Variants in ANXA8 observed in about 807,000 individuals in gnomAD.
ANXA8 encodes VAC-beta.
In ANXA8, 9 loss-of-function variants were observed where a neutral mutation model predicts 26.8. The observed-to-expected ratio is 0.34, with a 90% confidence interval of 0.20 to 0.59. ANXA8 has a LOEUF of 0.59. Among genes scored for constraint, ANXA8 ranks in the 20% least tolerant of loss-of-function variants. The pLI is 0.84. For synonymous variants in ANXA8, 39 were observed against 94.8 expected (o/e 0.41, Z 3.42); for missense variants, 83 against 238.5 (o/e 0.35, Z 4.29).
chr10:47,769,322 C>G, the ANXA8 span, among the ~76,000 whole-genome samples: 2 of 150,598 alleles, frequency 1.3e-5, no homozygotes, highest in African/African-American at 5.0e-5. Flanking sequence ...TGCTCATGCT[C>G]TTACCTCAGA....
chr10:47,764,396 G>T, the ANXA8 span, among the ~76,000 whole-genome samples: 2 of 150,812 alleles, frequency 1.3e-5, no homozygotes, highest in Non-Finnish European at 2.9e-5. Flanking sequence ...ATCTAAACTG[G>T]GTTGGCAGGG....
chr10:47,487,389 C>G, upstream of ANXA8: 1 of 1,011,654 alleles, frequency 9.9e-7, no homozygotes. Context: ...CCTGGGCTTT[C>G]TTTATGGCTT....
At chr10:47,907,144 A>C in the ANXA8 span, among the ~76,000 whole-genome samples, 1 of 151,950 alleles carries the variant, frequency 6.6e-6, no homozygotes, top group South Asian at 2.1e-4. Context: ...TCACGAGGTC[A>C]GGAGATCGAG....
chr10:47,699,058 G>A, the ANXA8 span, among the ~76,000 whole-genome samples: 36 of 151,644 alleles, frequency 2.4e-4, no homozygotes, highest in Non-Finnish European at 4.7e-4. Flanking sequence ...GACAAGAAGA[G>A]GCATCTGGTC....
chr10:47,763,164 TC>T, the ANXA8 span: 1 of 988,116 alleles, frequency 1.0e-6, no homozygotes, highest in Admixed American at 6.2e-5. Context: ...GGGGGAGCCT[TC>T]CCGGATCCCG....
chr10:47,658,997 A>G, the ANXA8 span, among the ~76,000 whole-genome samples: 23,721 of 127,980 alleles, frequency 0.19, 1,668 homozygotes, highest in East Asian at 0.45. Flanking sequence ...TCAGCCTCCC[A>G]AGTAGCTGGG....
the ANXA8 span, chr10:47,502,473 TG>T: frequency 6.2e-7 from 1 of 1,612,880 alleles, no homozygotes; most frequent in Non-Finnish European, 8.5e-7. Flanking sequence ...TTGAGGGTTT[TG>T]TCTGCCCCTG....
At chr10:47,484,302 T>A (rs1839973792), upstream of ANXA8, 7 of 641,562 alleles carry the variant, frequency 1.1e-5, no homozygotes, top group African/African-American at 1.8e-5. Flanking sequence ...TAGGCTGGTC[T>A]CAAACTCCCG....
At chr10:47,620,212 T>C in the ANXA8 span, among the ~76,000 whole-genome samples, 1 of 107,390 alleles carries the variant, frequency 9.3e-6, no homozygotes, top group Non-Finnish European at 2.0e-5. Context: ...TGTAAGTACT[T>C]TGATCTTGAG....
chr10:47,657,017 T>A, the ANXA8 span, among the ~76,000 whole-genome samples: 1 of 148,618 alleles, frequency 6.7e-6, no homozygotes, highest in Non-Finnish European at 1.5e-5. Flanking sequence ...CTAACTTGGT[T>A]CTCTGTTGAC....
At chr10:47,928,857 T>C in the ANXA8 span, among the ~76,000 whole-genome samples, 24 of 113,336 alleles carry the variant, frequency 2.1e-4, no homozygotes, top group East Asian at 2.2e-3. Flanking sequence ...TGGGCTCAAG[T>C]GATCATCTCA....
chr10:47,594,180 C>G, the ANXA8 span, among the ~76,000 whole-genome samples: 1 of 150,746 alleles, frequency 6.6e-6, no homozygotes, highest in Non-Finnish European at 1.5e-5. Context: ...ACCTTGTGAT[C>G]GTGTGAGTCA....
chr10:47,734,998 T>C, the ANXA8 span, among the ~76,000 whole-genome samples: 4 of 124,970 alleles, frequency 3.2e-5, no homozygotes, highest in African/African-American at 1.4e-4. Flanking sequence ...CTAGCCTGGG[T>C]GACAGAGTGA....
Sources: allele counts gnomAD v4.1 joint callset (sites outside exome capture counted in the v4.1 genomes callset), GRCh38; gene constraint gnomAD v4.1.1; transcripts MANE v1.5; gene names NCBI Gene and HGNC (gene_info 2026-07-23, HGNC 2026-07-21).